Variants in GRK1 observed in about 807,000 individuals in gnomAD.
GRK1 encodes rhodopsin kinase GRK1.
GRK1 carries 28 observed loss-of-function variants against 41.7 expected under a neutral mutation model. That is an observed-to-expected ratio of 0.67 (90% confidence interval 0.50 to 0.92). The LOEUF (loss-of-function observed/expected upper bound fraction) is 0.92. GRK1 is among the 40% of genes least tolerant of loss of function. GRK1 has a pLI of 0.00. For synonymous variants in GRK1, 327 were observed against 286.7 expected (o/e 1.14, Z -1.42); for missense variants, 703 against 671.2 (o/e 1.05, Z -0.52).
chr13:113,728,149 G>A (rs371598669), intron 4 of GRK1, among the ~76,000 whole-genome samples: 60 of 78,896 alleles, frequency 7.6e-4, no homozygotes, highest in Middle Eastern at 8.3e-3. Flanking sequence ...GCGATGAGGA[G>A]TACCCATGGC....
the GRK1 span, among the ~76,000 whole-genome samples, chr13:113,654,409 T>G: frequency 1.3e-5 from 2 of 152,200 alleles, no homozygotes. Context: ...CTCCCGGGTG[T>G]GCTCCTTGGA....
chr13:113,656,062 G>A, the GRK1 span, among the ~76,000 whole-genome samples: 3,462 of 152,318 alleles, frequency 0.023, 135 homozygotes, highest in African/African-American at 0.077. Flanking sequence ...TGGTGACGGC[G>A]TTCTTGTGTG....
chr13:113,648,503 T>C, the GRK1 span, among the ~76,000 whole-genome samples: 1 of 152,228 alleles, frequency 6.6e-6, no homozygotes, highest in African/African-American at 2.4e-5. Context: ...CTCACTGCTG[T>C]CTGGGTGAGA....
chr13:113,650,347 G>A, the GRK1 span: 103 of 1,504,736 alleles, frequency 6.8e-5, no homozygotes, highest in Middle Eastern at 3.4e-4. The surrounding 1 kb of genome is among the most constrained non-coding windows in gnomAD (Gnocchi z 5.0). Flanking sequence ...CTTTCCTTTC[G>A]CTAAGTGTGA....
chr13:113,667,283 G>GC lies in GRK1; in HGVS notation c.-102dup, dbSNP rs900267366. ...TCTCGTCCAGCAAGGGCAGGGACGG[G>GC]CCACAGGCCAAGGGCAGCAGTCAGG... is the stretch of plus-strand genomic sequence containing the variant. On this transcript the variant is annotated 5_prime_UTR_variant, in exon 1 of 7. Coordinates refer to ENST00000335678, the MANE Select transcript of GRK1 (RefSeq NM_002929.3). The surrounding 1 kb of genome is among the most constrained non-coding windows in gnomAD (Gnocchi z 7.5). 2.7e-5 allele frequency: 31 copies of GC among 1,167,902 alleles called. No individual in the cohort carries two copies. Among genetic ancestry groups the GC allele is most frequent in the Middle Eastern group, 2.7e-4 (1 of 3,660 alleles). 72.3% of individuals were successfully genotyped at this position (1,167,902 alleles called of 1,614,324 possible).
At position 113,667,863 on chromosome 13, in the gene GRK1, A is replaced by G; in HGVS notation, c.477A>G (p.Gln159=). The stretch of plus-strand genomic sequence containing the variant: ...AGGCCACCCTGGCACACCTGGGCCA[A>G]GCCCCCTTCCAGGAGTACCTGGGCA... ...LLQATLAHLG[Q]APFQEYLGSL... Residue 159 remains glutamine (Q), a synonymous_variant, in exon 1 of 7, where the codon CAA becomes CAG. Coordinates refer to ENST00000335678, the MANE Select transcript of GRK1 (RefSeq NM_002929.3). This position sits in a 1 kb window ranked among gnomAD's most constrained non-coding sequence, Gnocchi z 7.5. 1.9e-6 allele frequency: 3 copies of G among 1,589,536 alleles called. No individual in the cohort carries two copies. The highest frequency in any genetic ancestry group is 2.6e-6 in the Non-Finnish European group (3 of 1,166,520).
chr13:113,667,247 C>CTCTCTCGTCCAGCA lies in GRK1; in HGVS notation c.-140_-139insTCTCTCGTCCAGCA. 1 of 843,260 alleles carries CTCTCTCGTCCAGCA rather than the reference C, an allele frequency of 1.2e-6. No homozygotes were observed. The highest frequency in any genetic ancestry group is 1.9e-5 in the South Asian group (1 of 52,504). The allele number at this position is 843,260 out of a possible 1,614,324, so 52.2% of individuals were successfully genotyped here. On this transcript the variant is annotated 5_prime_UTR_variant, in exon 1 of 7. Coordinates refer to ENST00000335678, the MANE Select transcript of GRK1 (RefSeq NM_002929.3). The surrounding 1 kb of genome is among the most constrained non-coding windows in gnomAD (Gnocchi z 7.5). ...GGTCCCCAGGAACCCTCGACAGGGC[C>CTCTCTCGTCCAGCA]AGGGCGTCTCTCTCGTCCAGCAAGG... is the stretch of plus-strand genomic sequence containing the variant.
chr13:113,729,620 C>A (rs2049918973), intron 4 of GRK1, among the ~76,000 whole-genome samples: 1 of 152,320 alleles, frequency 6.6e-6, no homozygotes, highest in African/African-American at 2.4e-5. Context: ...ACAGAACTGT[C>A]AGTGCCCAGT....
intron 4 of GRK1, among the ~76,000 whole-genome samples, chr13:113,728,899 G>A (rs2049913590): frequency 6.6e-6 from 1 of 152,178 alleles, no homozygotes; most frequent in Admixed American, 6.5e-5. Context: ...AGGCCCGGCA[G>A]GTGGGCAAGC....
the GRK1 span, among the ~76,000 whole-genome samples, chr13:113,655,160 G>A: frequency 3.9e-5 from 6 of 152,300 alleles, no homozygotes; most frequent in Middle Eastern, 3.4e-3. Context: ...GGGTTTGCCC[G>A]TCTGGACGTC....
At chr13:113,652,936 G>A in the GRK1 span, 1 of 1,614,236 alleles carries the variant, frequency 6.2e-7, no homozygotes. Context: ...GATCCGCCAG[G>A]CCTGAGCAGT....
intron 6 of GRK1, among the ~76,000 whole-genome samples, chr13:113,733,592 T>G (rs575684832): frequency 6.6e-6 from 1 of 151,160 alleles, no homozygotes; most frequent in South Asian, 2.1e-4. Context: ...CATACGTGTG[T>G]GTGCATGTGT....
At chr13:113,728,160 G>A (rs1346626871) in intron 4 of GRK1, among the ~76,000 whole-genome samples, 1 of 108,172 alleles carries the variant, frequency 9.2e-6, no homozygotes, top group African/African-American at 4.5e-5. Flanking sequence ...TACCCATGGC[G>A]ATGAGGAATA....
chr13:113,733,613 ATG>A (rs760154661), intron 6 of GRK1, among the ~76,000 whole-genome samples: 1,790 of 112,656 alleles, frequency 0.016, 55 homozygotes, highest in African/African-American at 0.058. Context: ...GCGCATGTGT[ATG>A]TGTGTGCATA....
intron 4 of GRK1, among the ~76,000 whole-genome samples, chr13:113,724,417 G>C (rs36159978): frequency 0.077 from 11,692 of 152,246 alleles, 1,500 homozygotes; most frequent in African/African-American, 0.26. Flanking sequence ...TGGGGAGGCA[G>C]TGCTGTCGCC....
chr13:113,735,648 A>G lies in GRK1; in HGVS notation c.*285A>G. 1 of 329,436 alleles carries G rather than the reference A, an allele frequency of 3.0e-6. No homozygotes were observed. The highest frequency in any genetic ancestry group is 5.5e-6 in the Non-Finnish European group (1 of 181,222). 20.4% of individuals were successfully genotyped at this position (329,436 alleles called of 1,614,324 possible). Reference sequence around the variant, plus strand: ...ATGCTCTCCAGAGGGAGTAAGCCAAAAATCTACAAACTCTTAGGGAGCCTC... The same window carrying G: ...ATGCTCTCCAGAGGGAGTAAGCCAAGAATCTACAAACTCTTAGGGAGCCTC... On this transcript the variant is annotated 3_prime_UTR_variant, in exon 7 of 7. Coordinates refer to ENST00000335678, the MANE Select transcript of GRK1 (RefSeq NM_002929.3).
chr13:113,658,642 G>A, the GRK1 span, among the ~76,000 whole-genome samples: 1 of 152,220 alleles, frequency 6.6e-6, no homozygotes, highest in African/African-American at 2.4e-5. Flanking sequence ...CCCCGCTGCG[G>A]CCGCCCCGAT....
intron 1 of GRK1, among the ~76,000 whole-genome samples, chr13:113,669,468 C>T (rs912008800): frequency 1.6e-4 from 25 of 152,328 alleles, no homozygotes; most frequent in Non-Finnish European, 2.9e-4. Context: ...CAGAAGTCCC[C>T]TGTATGTGAA....
intron 2 of GRK1, among the ~76,000 whole-genome samples, chr13:113,670,750 A>G (rs1346616523): frequency 1.5e-5 from 2 of 131,446 alleles, no homozygotes; most frequent in Admixed American, 7.4e-5. Context: ...GGAAACGCAG[A>G]CACGGGGTGC....
Sources: gnomAD v4.1 joint callset for allele counts (sites outside exome capture counted in the v4.1 genomes callset) on GRCh38, gnomAD v4.1.1 for gene constraint, Gnocchi (gnomAD v3.1) non-coding constraint, MANE v1.5 for transcripts, NCBI Gene and HGNC (gene_info 2026-07-23, HGNC 2026-07-21) for gene names.